FBXL13: variants seen among roughly 807,000 people sequenced by gnomAD.
FBXL13 encodes F-box and leucine rich repeat protein 13.
Under a neutral mutation model 83.6 loss-of-function variants are expected in FBXL13, and 67 were observed. The ratio of observed to expected loss-of-function variants is 0.80; its 90% CI spans 0.66 to 0.98. The LOEUF is 0.98. FBXL13 is among the 50% of genes least tolerant of loss of function. The pLI is 0.00. For synonymous variants in FBXL13, 272 were observed against 299.5 expected (o/e 0.91, Z 0.95); for missense variants, 822 against 866.5 (o/e 0.95, Z 0.64).
chr7:103,066,935 G>C (rs894958415), intron 1 of FBXL13, among the ~76,000 whole-genome samples: 13 of 151,956 alleles, frequency 8.6e-5, no homozygotes, highest in African/African-American at 3.1e-4. Flanking sequence ...GGGATTAAAG[G>C]CATGCGCCAC....
At chr7:102,853,888 T>C (rs1367959280) in intron 17 of FBXL13, among the ~76,000 whole-genome samples, 3 of 152,072 alleles carry the variant, frequency 2.0e-5, no homozygotes, top group Non-Finnish European at 4.4e-5. Flanking sequence ...CTGGAGAGGA[T>C]GTGGAGAAAT....
intron 16 of FBXL13, among the ~76,000 whole-genome samples, chr7:102,866,794 G>C (rs1198534901): frequency 6.6e-6 from 1 of 152,152 alleles, no homozygotes; most frequent in East Asian, 1.9e-4. Context: ...GAAGGAAATG[G>C]TGCCAGATTC....
At chr7:102,852,865 T>C (rs1446273204) in intron 17 of FBXL13, among the ~76,000 whole-genome samples, 1 of 144,714 alleles carries the variant, frequency 6.9e-6, no homozygotes, top group African/African-American at 2.6e-5. Context: ...AAGAAGTCAT[T>C]GTACGAAAAA....
chr7:102,887,999 A>G (rs970823794), intron 11 of FBXL13, among the ~76,000 whole-genome samples: 1 of 152,248 alleles, frequency 6.6e-6, no homozygotes, highest in Non-Finnish European at 1.5e-5. Flanking sequence ...GCCCTTGGAC[A>G]GTTTTTGAAT....
intron 8 of FBXL13, among the ~76,000 whole-genome samples, chr7:102,946,976 T>C (rs1822629218): frequency 1.3e-5 from 2 of 152,120 alleles, no homozygotes; most frequent in African/African-American, 4.8e-5. Flanking sequence ...GAGCCTGGAC[T>C]GGATTGTGAG....
intron 1 of FBXL13, among the ~76,000 whole-genome samples, chr7:103,057,499 T>C (rs541345352): frequency 2.6e-5 from 4 of 152,190 alleles, no homozygotes; most frequent in Non-Finnish European, 5.9e-5. Flanking sequence ...ATAAAAGAGA[T>C]TGAGAAAATC....
At chr7:102,880,657 C>T (rs1245869002) in intron 14 of FBXL13, among the ~76,000 whole-genome samples, 1 of 152,166 alleles carries the variant, frequency 6.6e-6, no homozygotes, top group Non-Finnish European at 1.5e-5. Context: ...CTTGCTGTTT[C>T]TGTGACTCTT....
intron 6 of FBXL13, among the ~76,000 whole-genome samples, chr7:103,014,586 C>A (rs911482112): frequency 2.0e-5 from 3 of 152,032 alleles, no homozygotes; most frequent in Admixed American, 2.0e-4. Context: ...AAACTTCAGG[C>A]CAATATCCTT....
rs1381980312 is a variant in FBXL13 at position 102,944,418 on chromosome 7, A to G, written c.725-12485T>C. On this transcript the variant is annotated intron_variant, in intron 8 of 19. Coordinates refer to ENST00000313221, the Ensembl canonical transcript of FBXL13. ...TCCATTTTAATGGCCTGGAATGCAA[A>G]ACGCCTGAAGAATACAAAGGATGGT... The G allele has an allele frequency of 3.7e-6, 6 of 1,614,092 alleles. No homozygotes were observed. In the African/African-American group the frequency reaches 8.0e-5, roughly 22 times the overall value.
intron 2 of FBXL13, among the ~76,000 whole-genome samples, chr7:103,049,282 T>C (rs1230696080): frequency 2.0e-5 from 3 of 152,234 alleles, no homozygotes; most frequent in African/African-American, 7.2e-5. Context: ...AAGCAGTTTA[T>C]GGCCTTAAAC....
At chr7:102,838,716 G>T (rs1360573486) in intron 17 of FBXL13, among the ~76,000 whole-genome samples, 1 of 152,132 alleles carries the variant, frequency 6.6e-6, no homozygotes, top group Non-Finnish European at 1.5e-5. Flanking sequence ...GATGTGCCTT[G>T]TTAACAAAAT....
chr7:102,856,529 T>A (rs1806074666), intron 16 of FBXL13, among the ~76,000 whole-genome samples: 1 of 152,222 alleles, frequency 6.6e-6, no homozygotes, highest in Non-Finnish European at 1.5e-5. Context: ...TTGCTAAATA[T>A]GACATATAAC....
chr7:103,003,188 C>G (rs1031154595), intron 6 of FBXL13, among the ~76,000 whole-genome samples: 3 of 151,672 alleles, frequency 2.0e-5, no homozygotes, highest in African/African-American at 4.8e-5. Flanking sequence ...CTATTGAGAG[C>G]CTCTAATGCA....
chr7:102,854,991 C>T (rs1233908285), intron 16 of FBXL13, 131 bp from the exon 18 acceptor site: 2 of 508,132 alleles, frequency 3.9e-6, no homozygotes, highest in Non-Finnish European at 6.8e-6. Context: ...TAGTTGCTGT[C>T]ATATTTCTTT....
At chr7:102,817,738 GA>G (rs994159582) in intron 19 of FBXL13, among the ~76,000 whole-genome samples, 118 of 152,032 alleles carry the variant, frequency 7.8e-4, no homozygotes, top group Non-Finnish European at 1.1e-3. Context: ...AGGAAATATT[GA>G]AAAAAACATG....
downstream of FBXL13, among the ~76,000 whole-genome samples, chr7:102,811,212 T>C (rs1797413355): frequency 1.4e-5 from 2 of 147,496 alleles, no homozygotes; most frequent in African/African-American, 2.7e-5. Context: ...AGCAGTCAAC[T>C]ATATTTAAAG....
intron 6 of FBXL13, among the ~76,000 whole-genome samples, chr7:102,975,194 G>C (rs1314986552): frequency 6.6e-6 from 1 of 152,126 alleles, no homozygotes; most frequent in Non-Finnish European, 1.5e-5. Context: ...GGAACTGGAG[G>C]CATTGTTAAA....
chr7:102,995,711 C>T (rs983086456), intron 6 of FBXL13, among the ~76,000 whole-genome samples: 2 of 151,308 alleles, frequency 1.3e-5, no homozygotes, highest in Non-Finnish European at 2.9e-5. Flanking sequence ...CGCTTGATCC[C>T]GGGACGTGGA....
intron 8 of FBXL13, chr7:102,944,390 A>G: frequency 1.2e-6 from 2 of 1,614,100 alleles, no homozygotes; most frequent in African/African-American, 1.3e-5. Context: ...CACCACTACA[A>G]TGTCCATTTT....
Sources: gnomAD v4.1 joint callset for allele counts (sites outside exome capture counted in the v4.1 genomes callset) on GRCh38, gnomAD v4.1.1 for gene constraint, MANE v1.5 for transcripts, NCBI Gene and HGNC (gene_info 2026-07-23, HGNC 2026-07-21) for gene names.